ZMYND8: variants seen among roughly 807,000 people sequenced by gnomAD.
The protein encoded by ZMYND8 is MYND-type zinc finger-containing chromatin reader ZMYND8.
In ZMYND8, 37 loss-of-function variants were observed where a neutral mutation model predicts 140.8. The observed-to-expected ratio is 0.26, with a 90% CI of 0.20 to 0.35. The LOEUF (loss-of-function observed/expected upper bound fraction) is 0.35, where lower values mean the gene tolerates loss of function less well. Among genes scored for constraint, ZMYND8 ranks in the 10% least tolerant of loss-of-function variants. ZMYND8 has a pLI of 1.00. For missense variants in ZMYND8, 1,068 were observed against 1,570.0 expected (o/e 0.68, Z 5.40); for synonymous variants, 592 against 597.1 (o/e 0.99, Z 0.12).
intron 15 of ZMYND8, 112 bp from the exon 16 acceptor site, chr20:47,236,628 T>C: frequency 8.6e-7 from 1 of 1,161,822 alleles, no homozygotes; most frequent in Non-Finnish European, 1.2e-6. Context: ...TTTCTACTTT[T>C]AAATGACAAA....
chr20:47,235,042 A>G (rs896928644), intron 16 of ZMYND8, among the ~76,000 whole-genome samples: 5 of 152,204 alleles, frequency 3.3e-5, no homozygotes, highest in Non-Finnish European at 7.3e-5. Flanking sequence ...TAAAAACTAG[A>G]ACTGTTTACT....
At position 47,210,713 on chromosome 20, in the gene ZMYND8, C is replaced by T. The variant is rs184701040; in HGVS notation, c.*48G>A. On this transcript the variant is annotated 3_prime_UTR_variant, in exon 23 of 23. Transcript: ENST00000471951. ...TTGTTGTTTCTTCTTTTCCTGGCGT[C>T]TGGGTTTTTCTCCCAATGGGGTGGG... The T allele has an allele frequency of 9.7e-5, 156 of 1,613,834 alleles. 1 individual carries two copies. The African/African-American group carries it at 1.7e-3, about 17-fold the overall frequency.
At chr20:47,255,738 A>ATATATATATATATATATATACGG (rs2074611209) in intron 12 of ZMYND8, among the ~76,000 whole-genome samples, 1 of 31,698 alleles carries the variant, frequency 3.2e-5, no homozygotes. Context: ...ATATATATAT[A>ATATATATATATATATATATACGG]TATATATATA....
chr20:47,220,820 G>C (rs907951107), intron 20 of ZMYND8, among the ~76,000 whole-genome samples: 1 of 152,094 alleles, frequency 6.6e-6, no homozygotes, highest in African/African-American at 2.4e-5. Context: ...CATGAAAATA[G>C]TCTTTGCATA....
At chr20:47,237,572 C>T (rs990646670) in intron 15 of ZMYND8, 15 of 152,160 alleles carry the variant, frequency 9.9e-5, no homozygotes, top group African/African-American at 3.4e-4. Context: ...GGCTTTGCCC[C>T]ACCAACTTTT....
In ZMYND8 at chr20:47,297,485, G is replaced by A. The variant is rs184796888; in HGVS notation, c.453+1244C>T. On this transcript the variant is annotated intron_variant, in intron 4 of 22. Transcript: ENST00000471951. ...TTCCCAGGATAGAATACAGTGGCAT[G>A]ATTACAGCTCACTGCAGCCTCAACC... Among the ~76,000 whole-genome samples the A allele has an allele frequency of 3.3e-5, 5 of 151,876 alleles. No individual in the cohort carries two copies. In the East Asian group the frequency reaches 9.7e-4, roughly 29 times the overall value.
chr20:47,280,939 C>T (rs533103077), intron 10 of ZMYND8, among the ~76,000 whole-genome samples: 1 of 152,308 alleles, frequency 6.6e-6, no homozygotes, highest in African/African-American at 2.4e-5. Context: ...CAGATCTTCA[C>T]ACCAGGCCCC....
At chr20:47,235,351 A>G (rs2039088163) in intron 16 of ZMYND8, among the ~76,000 whole-genome samples, 1 of 152,060 alleles carries the variant, frequency 6.6e-6, no homozygotes, top group Non-Finnish European at 1.5e-5. Context: ...AGTCCAGCGC[A>G]CTCTCACATG....
chr20:47,210,623 C>T lies in ZMYND8; in HGVS notation c.*138G>A, dbSNP rs754487320. ...TCCTGTAGTGTAGCAGCCCCCGCGC[C>T]GGGGGCTCAGGCTCAACTGAGGGTT... On this transcript the variant is annotated 3_prime_UTR_variant, in exon 23 of 23. Transcript: ENST00000471951. The T allele has an allele frequency of 2.6e-5, 37 of 1,441,044 alleles. No homozygotes were observed. The highest frequency in any genetic ancestry group is 3.5e-5 in the Admixed American group (2 of 57,252). The allele number at this position is 1,441,044 out of a possible 1,614,324, so 89.3% of individuals were successfully genotyped here. A position where few individuals can be genotyped will look rare whatever the true frequency, so the allele number is the denominator to read the frequency against.
chr20:47,312,571 C>T (rs150258410), intron 2 of ZMYND8, among the ~76,000 whole-genome samples: 3 of 152,182 alleles, frequency 2.0e-5, no homozygotes, highest in East Asian at 3.9e-4. Context: ...GGAAAACTCA[C>T]GAAAGAGACA....
rs556713592 is a variant in ZMYND8 at position 47,234,011 on chromosome 20, GCCTA to G, written c.2856+2311_2856+2314del. 6.8e-3 allele frequency among the ~76,000 whole-genome samples: 1,031 copies of G among 152,320 alleles called. 12 individuals are homozygous for G. Among genetic ancestry groups the G allele is most frequent in the African/African-American group, 0.024 (993 of 41,570 alleles). On this transcript the variant is annotated intron_variant, in intron 16 of 22. Transcript: ENST00000471951. ...TAATGAGGTGTCACTTCTGTGACTG[GCCTA>G]AGTAAGCCTGTCACTTCCATCTTGC...
chr20:47,328,849 G>A (rs2080692842), intron 2 of ZMYND8, among the ~76,000 whole-genome samples: 1 of 152,210 alleles, frequency 6.6e-6, no homozygotes, highest in South Asian at 2.1e-4. Context: ...TTAGTCTAAA[G>A]AGGTGAGAGT....
chr20:47,214,835 C>T (rs1408155390), intron 21 of ZMYND8, among the ~76,000 whole-genome samples: 8 of 152,226 alleles, frequency 5.3e-5, no homozygotes, highest in African/African-American at 1.7e-4. Context: ...GCCCCGGGTG[C>T]ACCTCAATCT....
At chr20:47,225,803 C>T (rs541777183) in intron 18 of ZMYND8, among the ~76,000 whole-genome samples, 58 of 151,826 alleles carry the variant, frequency 3.8e-4, no homozygotes, top group Non-Finnish European at 8.1e-4. Flanking sequence ...GTGCAGTCAA[C>T]ACATAAAAAG....
intron 3 of ZMYND8, among the ~76,000 whole-genome samples, chr20:47,303,483 C>A (rs1399403499): frequency 6.6e-6 from 1 of 152,070 alleles, no homozygotes; most frequent in Non-Finnish European, 1.5e-5. Context: ...TTTGGGAGGC[C>A]AAGGCAGGTG....
At chr20:47,332,323 A>C (rs2081026228) in intron 2 of ZMYND8, among the ~76,000 whole-genome samples, 1 of 152,048 alleles carries the variant, frequency 6.6e-6, no homozygotes, top group Non-Finnish European at 1.5e-5. Flanking sequence ...AAAAAAAATA[A>C]GTTTGGCTTT....
intron 2 of ZMYND8, among the ~76,000 whole-genome samples, chr20:47,326,321 C>T (rs1288629919): frequency 1.3e-5 from 2 of 152,000 alleles, no homozygotes; most frequent in South Asian, 2.1e-4. Flanking sequence ...AGGCTGGTCT[C>T]GAACTCCTGA....
intron 2 of ZMYND8, among the ~76,000 whole-genome samples, chr20:47,336,142 G>T (rs1055315337): frequency 6.6e-6 from 1 of 152,154 alleles, no homozygotes; most frequent in Non-Finnish European, 1.5e-5. Flanking sequence ...TCTCACAGCC[G>T]TCCTCATAAA....
At position 47,301,947 on chromosome 20, in the gene ZMYND8, T is replaced by A. The variant is rs2078081275; in HGVS notation, c.235-3000A>T. Among the ~76,000 whole-genome samples the A allele has an allele frequency of 3.3e-5, 5 of 151,860 alleles. No individual in the cohort carries two copies. The South Asian group carries it at 1.0e-3, about 32-fold the overall frequency. ...AGTAAGTTCTCACAAGATCTGATGG[T>A]TTTATAAGGAGCTTTTCCTCCTCTT... On this transcript the variant is annotated intron_variant, in intron 3 of 22. Transcript: ENST00000471951.
Sources: allele counts gnomAD v4.1 joint callset (sites outside exome capture counted in the v4.1 genomes callset), GRCh38; gene constraint gnomAD v4.1.1; transcripts MANE v1.5; gene names NCBI Gene and HGNC (gene_info 2026-07-23, HGNC 2026-07-21).